MMP17: variants seen among roughly 807,000 people sequenced by gnomAD.
MMP17 encodes matrix metalloproteinase-17.
MMP17 carries 54 observed loss-of-function variants against 49.1 expected under a neutral mutation model. That is an observed-to-expected ratio of 1.10 (90% CI 0.88 to 1.38). The LOEUF is 1.38. Ranked by LOEUF, MMP17 falls within the 40% of genes most tolerant of loss-of-function variation. The probability of loss-of-function intolerance (pLI) is 0.00; values close to 1 mark genes in which losing one functional copy is unlikely to be tolerated. For missense variants in MMP17, 837 were observed against 853.7 expected (o/e 0.98, Z 0.24); for synonymous variants, 397 against 383.1 (o/e 1.04, Z -0.42).
chr12:131,839,120 A>G (rs548140011), intron 3 of MMP17, among the ~76,000 whole-genome samples: 1 of 152,180 alleles, frequency 6.6e-6, no homozygotes, highest in South Asian at 2.1e-4. Context: ...AGGTAGAGGG[A>G]GCATCTGTCC....
chr12:131,844,637 C>G, intron 6 of MMP17: 1 of 220,154 alleles, frequency 4.5e-6, no homozygotes, highest in South Asian at 7.3e-5. Flanking sequence ...CAGGACCGTA[C>G]GTGTAACCCT....
chr12:131,850,052 G>A lies in MMP17; in HGVS notation c.1455G>A (p.Trp485Ter), dbSNP rs1887897458. ...VPSTLDDAMR[W>*]SDGASYFFRG... is the part of the protein sequence containing the mutation. Reference sequence around the variant, plus strand: ...GCACGCTGGACGACGCCATGCGCTGGTCCGACGGTGAGTGCCAGCTGGGGG... The same window carrying A: ...GCACGCTGGACGACGCCATGCGCTGATCCGACGGTGAGTGCCAGCTGGGGG... Residue 485 changes from tryptophan to a stop codon, truncating the protein, a stop_gained, in exon 9 of 10, where the codon TGG becomes TGA. Coordinates refer to ENST00000360564, the MANE Select transcript of MMP17 (RefSeq NM_016155.7). LOFTEE classifies it low-confidence loss of function (END_TRUNC). The A allele has an allele frequency of 6.2e-7, 1 of 1,609,362 alleles. No homozygotes were observed. Among genetic ancestry groups the A allele is most frequent in the African/African-American group, 1.3e-5 (1 of 74,948 alleles).
rs868365238 is a variant in MMP17, at chr12:131,828,398, G to C, written c.-97G>C. 8 of 731,488 alleles carry C rather than the reference G, an allele frequency of 1.1e-5. No individual in the cohort carries two copies. In the South Asian group the frequency reaches 1.8e-4, roughly 17 times the overall value. The allele number at this position is 731,488 out of a possible 1,614,324, so 45.3% of individuals were successfully genotyped here. The stretch of plus-strand genomic sequence containing the variant: ...GAGGCTGCCGCGCGGGGCTCAGTCC[G>C]GCGGGGGCGCCGCGGAGAGCGGAGG... On this transcript the variant is annotated 5_prime_UTR_variant, in exon 1 of 10. Coordinates refer to ENST00000360564, the MANE Select transcript of MMP17 (RefSeq NM_016155.7).
Position 131,840,726 on chromosome 12 carries a change from C to T in MMP17, c.576C>T (p.Ala192=), listed in dbSNP as rs756077829. The change falls in exon 4 of 10, where the codon GCC becomes GCT. Residue 192 remains alanine (A), a synonymous_variant. Transcript: ENST00000360564. ...AADIQIDFSK[A]DHNDGYPFDG... ...ACATCCAGATCGACTTCTCCAAGGC[C>T]GACCATAACGACGGCTACCCCTTCG... The T allele has an allele frequency of 1.8e-5, 29 of 1,604,432 alleles. No homozygotes were observed. Among genetic ancestry groups the T allele is most frequent in the South Asian group, 2.2e-5 (2 of 91,090 alleles).
At chr12:131,842,289 C>A (rs997284227) in intron 5 of MMP17, among the ~76,000 whole-genome samples, 19 of 152,248 alleles carry the variant, frequency 1.2e-4, no homozygotes, top group Non-Finnish European at 2.4e-4. Context: ...AGACAGCACA[C>A]GTGCATCAGA....
At chr12:131,835,264 G>A (rs1887022721) in intron 1 of MMP17, among the ~76,000 whole-genome samples, 1 of 152,228 alleles carries the variant, frequency 6.6e-6, no homozygotes, top group African/African-American at 2.4e-5. Flanking sequence ...CAGTGCCTCT[G>A]GGGCCACAGG....
chr12:131,834,629 G>A (rs1886986194), intron 1 of MMP17, among the ~76,000 whole-genome samples: 1 of 152,092 alleles, frequency 6.6e-6, no homozygotes, highest in African/African-American at 2.4e-5. Context: ...GGTCAGGGTA[G>A]AGGCCTGGCG....
At chr12:131,850,676 A>C (rs575085741) in intron 9 of MMP17, among the ~76,000 whole-genome samples, 1 of 152,262 alleles carries the variant, frequency 6.6e-6, no homozygotes, top group Admixed American at 6.5e-5. Context: ...AGCTGCCCAC[A>C]GCTGAGCAGA....
At chr12:131,848,079 T>A (rs1448345633) in intron 8 of MMP17, among the ~76,000 whole-genome samples, 3 of 152,182 alleles carry the variant, frequency 2.0e-5, no homozygotes, top group Non-Finnish European at 4.4e-5. Context: ...TTTTTATTTT[T>A]AATTTTATTT....
intron 3 of MMP17, among the ~76,000 whole-genome samples, chr12:131,839,851 G>A (rs568158629): frequency 7.4e-6 from 1 of 135,644 alleles, no homozygotes; most frequent in Admixed American, 7.4e-5. Context: ...GGGAGGCTGA[G>A]GCAGGAGAAT....
In MMP17 at chr12:131,828,582, G is replaced by A; in HGVS notation, c.88G>A (p.Ala30Thr). Residue 30 changes from alanine (A) to threonine (T), a missense_variant, in exon 1 of 10, where the codon GCG becomes ACG. Transcript: ENST00000360564. Reference sequence around the variant, plus strand: ...GCCGCTGCCGCTGCTGCTGCTGCTGGCGCTGGGGACCCGCGGGGGCTGCGC... The same window carrying A: ...GCCGCTGCCGCTGCTGCTGCTGCTGACGCTGGGGACCCGCGGGGGCTGCGC... ...RLPLPLLLLL[A>T]LGTRGGCAAP... is the part of the protein sequence containing the mutation. The A allele has an allele frequency of 1.4e-6, 1 of 705,298 alleles. No individual in the cohort carries two copies. Among genetic ancestry groups the A allele is most frequent in the Non-Finnish European group, 1.8e-6 (1 of 559,806 alleles). The allele number at this position is 705,298 out of a possible 1,614,324, so 43.7% of individuals were successfully genotyped here.
chr12:131,836,807 C>T (rs954139438), intron 1 of MMP17, among the ~76,000 whole-genome samples: 1 of 152,192 alleles, frequency 6.6e-6, no homozygotes, highest in South Asian at 2.1e-4. Flanking sequence ...GGCAGAGCAG[C>T]AGCTTCATGG....
chr12:131,844,708 CCTT>C, intron 6 of MMP17: 2 of 237,318 alleles, frequency 8.4e-6, no homozygotes, highest in Admixed American at 5.1e-5. Context: ...TGGACATGCA[CCTT>C]GTCCCTGACC....
rs193272731 is a variant in MMP17 at position 131,835,629 on chromosome 12, T to C, written c.160-2566T>C. 5.9e-5 allele frequency among the ~76,000 whole-genome samples: 9 copies of C among 152,142 alleles called. No individual in the cohort carries two copies. The East Asian group carries it at 1.7e-3, about 30-fold the overall frequency. ...GGGGGTGAGTTGTCCTCCCAAGGGG[T>C]CTCAGCACCTGCTGGCCCAACCCAG... is the stretch of plus-strand genomic sequence containing the variant. On this transcript the variant is annotated intron_variant, in intron 1 of 9. Transcript: ENST00000360564.
intron 3 of MMP17, 147 bp from the exon 4 acceptor site, chr12:131,840,426 A>C: frequency 1.2e-6 from 1 of 802,656 alleles, no homozygotes; most frequent in Non-Finnish European, 2.0e-6. Context: ...AGTGCATCGG[A>C]TGACTCCTGG....
At chr12:131,837,371 C>T (rs961782973) in intron 1 of MMP17, among the ~76,000 whole-genome samples, 3 of 152,220 alleles carry the variant, frequency 2.0e-5, no homozygotes, top group Non-Finnish European at 4.4e-5. Flanking sequence ...ACGATCCTCC[C>T]GCCTCAGCCT....
intron 8 of MMP17, among the ~76,000 whole-genome samples, chr12:131,847,172 G>A (rs1887747016): frequency 6.6e-6 from 1 of 151,706 alleles, no homozygotes; most frequent in Non-Finnish European, 1.5e-5. Flanking sequence ...CAGCATTTTG[G>A]GAGGCCGAGG....
chr12:131,851,121 C>T lies in MMP17; in HGVS notation c.1659C>T (p.Arg553=), dbSNP rs1203814113. The part of the protein sequence containing the change: ...RAPPGQHDQS[R]SEDGYEVCSC... Reference sequence around the variant, plus strand: ...CTCCAGGACAACATGACCAGAGCCGCTCGGAGGACGGTTACGAGGTCTGCT... The same window carrying T: ...CTCCAGGACAACATGACCAGAGCCGTTCGGAGGACGGTTACGAGGTCTGCT... Residue 553 remains arginine, a synonymous_variant, in exon 10 of 10, where the codon CGC becomes CGT. Transcript: ENST00000360564. The T allele has an allele frequency of 6.9e-6, 11 of 1,589,530 alleles. No homozygotes were observed. Among genetic ancestry groups the T allele is most frequent in the Non-Finnish European group, 9.4e-6 (11 of 1,168,732 alleles).
chr12:131,850,858 C>G lies in MMP17; in HGVS notation c.1463-67C>G, dbSNP rs1333768921. ...CTCCCTGAGCCCAACGCTCCCTCCT[C>G]GCTGTCCGGCTCGAGCCCCTCCTGC... On this transcript the variant is annotated intron_variant, in intron 9 of 9. Transcript: ENST00000360564. 10 of 1,264,404 alleles carry G rather than the reference C, an allele frequency of 7.9e-6. 1 individual carries two copies. The East Asian group carries it at 2.1e-4, about 27-fold the overall frequency. The allele number at this position is 1,264,404 out of a possible 1,614,324, so 78.3% of individuals were successfully genotyped here.
Sources: gnomAD v4.1 joint callset for allele counts (sites outside exome capture counted in the v4.1 genomes callset) on GRCh38, gnomAD v4.1.1 for gene constraint, MANE v1.5 for transcripts, NCBI Gene and HGNC (gene_info 2026-07-23, HGNC 2026-07-21) for gene names.